Variants in DYM observed in about 807,000 individuals in gnomAD.
The protein encoded by DYM is dyggve-Melchior-Clausen syndrome protein.
In DYM, 78 loss-of-function variants were observed where a neutral mutation model predicts 93.1. That is an observed-to-expected ratio of 0.84 (90% CI 0.70 to 1.01). DYM has a LOEUF of 1.01. Ranked by LOEUF, DYM falls within the 50% of genes least tolerant of loss-of-function variation. The pLI is 0.00. For missense variants in DYM, 789 were observed against 845.0 expected (o/e 0.93, Z 0.82); for synonymous variants, 321 against 319.7 (o/e 1.00, Z -0.04).
intron 16 of DYM, among the ~76,000 whole-genome samples, chr18:49,108,674 T>C (rs2081108665): frequency 6.6e-6 from 1 of 152,268 alleles, no homozygotes; most frequent in Admixed American, 6.5e-5. Context: ...TCTTAGAGAA[T>C]GGTTCACGTG....
intron 6 of DYM, among the ~76,000 whole-genome samples, chr18:49,352,255 G>A (rs2065176032): frequency 4.6e-5 from 7 of 152,154 alleles, no homozygotes; most frequent in Admixed American, 4.6e-4. Flanking sequence ...GCTTCTGCCT[G>A]GGGTGCTGAA....
chr18:49,406,104 T>C (rs766450218), intron 2 of DYM, among the ~76,000 whole-genome samples: 13 of 152,338 alleles, frequency 8.5e-5, no homozygotes. Context: ...TTATCTGCTC[T>C]AGGAATCTTC....
chr18:49,127,581 T>C (rs956653227), intron 15 of DYM, among the ~76,000 whole-genome samples: 1 of 152,208 alleles, frequency 6.6e-6, no homozygotes, highest in African/African-American at 2.4e-5. Flanking sequence ...ACAAAATTAA[T>C]GGGATTTTGC....
intron 9 of DYM, among the ~76,000 whole-genome samples, chr18:49,282,956 T>C (rs2145765390): frequency 6.6e-6 from 1 of 152,320 alleles, no homozygotes. Flanking sequence ...AGCATCCACT[T>C]ATATCAAAAT....
chr18:49,160,700 T>G (rs572956830), intron 15 of DYM, among the ~76,000 whole-genome samples: 1 of 152,158 alleles, frequency 6.6e-6, no homozygotes, highest in African/African-American at 2.4e-5. Context: ...GAATTTTATG[T>G]GGTTACTGGC....
chr18:49,399,228 T>C (rs1049201315), intron 2 of DYM, among the ~76,000 whole-genome samples: 2 of 152,056 alleles, frequency 1.3e-5, no homozygotes, highest in Non-Finnish European at 1.5e-5. Context: ...CAACGTACCA[T>C]AGAAGGAATC....
intron 14 of DYM, among the ~76,000 whole-genome samples, chr18:49,201,823 G>T (rs1186411640): frequency 2.0e-5 from 3 of 152,194 alleles, no homozygotes; most frequent in African/African-American, 7.2e-5. Flanking sequence ...TGTCAGAAGA[G>T]ATCGCTTTTT....
rs372826171 is a variant in DYM, at chr18:49,443,140, G to A, written c.-53-12693C>T. On this transcript the variant is annotated intron_variant, in intron 1 of 17. Coordinates refer to ENST00000675505, the MANE Select transcript of DYM (RefSeq NM_001353214.3). ...CGGGATTATAGGCATAAGCCACTGC[G>A]CCCAACCTGATTTTTACATTTTTAA... Among the ~76,000 whole-genome samples, 214 of 151,982 alleles carry A rather than the reference G, an allele frequency of 1.4e-3. 2 individuals are homozygous for A. Among genetic ancestry groups the A allele is most frequent in the African/African-American group, 4.9e-3 (202 of 41,444 alleles).
At chr18:49,122,896 A>G (rs1448181474) in intron 15 of DYM, among the ~76,000 whole-genome samples, 2 of 152,180 alleles carry the variant, frequency 1.3e-5, no homozygotes, top group East Asian at 1.9e-4. Flanking sequence ...ATCTTTTCTA[A>G]TTATTATCTT....
At chr18:49,399,968 G>A (rs1323605661) in intron 2 of DYM, among the ~76,000 whole-genome samples, 1 of 93,514 alleles carries the variant, frequency 1.1e-5, no homozygotes, top group Non-Finnish European at 2.0e-5. Context: ...TTGAGACGGA[G>A]TCTTCCTTTA....
chr18:49,254,631 C>T (rs2094356184), intron 13 of DYM, among the ~76,000 whole-genome samples: 1 of 152,046 alleles, frequency 6.6e-6, no homozygotes, highest in Admixed American at 6.6e-5. Flanking sequence ...ATGCATTTTT[C>T]CCAACTAAAA....
rs530343806 is a variant in DYM, at chr18:49,192,038, G to A, written c.1625+17513C>T. ...TGCAGCCTCAAACACCTGGGCTCAA[G>A]CGATCCTCCTGCCTCAGCCTCCTGG... On this transcript the variant is annotated intron_variant, in intron 14 of 17. Transcript: ENST00000675505. Among the ~76,000 whole-genome samples the A allele has an allele frequency of 1.1e-4, 16 of 151,270 alleles. No homozygotes were observed. In the South Asian group the frequency reaches 3.3e-3, roughly 32 times the overall value.
At chr18:49,047,835 AG>A (rs1361276462) in intron 17 of DYM, among the ~76,000 whole-genome samples, 2 of 152,138 alleles carry the variant, frequency 1.3e-5, no homozygotes, top group African/African-American at 2.4e-5. Flanking sequence ...TTGTAGCAAG[AG>A]GGGGGCAACA....
intron 10 of DYM, among the ~76,000 whole-genome samples, chr18:49,278,083 C>T (rs2094889039): frequency 6.6e-6 from 1 of 151,424 alleles, no homozygotes; most frequent in Admixed American, 6.6e-5. Flanking sequence ...AACAAAAGAG[C>T]TAAAAAAAAA....
chr18:49,079,672 T>G (rs1341772857), intron 17 of DYM, among the ~76,000 whole-genome samples: 1 of 151,510 alleles, frequency 6.6e-6, no homozygotes. Flanking sequence ...CTTAATCCAT[T>G]TAACCCTGAG....
intron 16 of DYM, among the ~76,000 whole-genome samples, chr18:49,103,317 T>A (rs1294834539): frequency 6.6e-6 from 1 of 152,176 alleles, no homozygotes; most frequent in African/African-American, 2.4e-5. Flanking sequence ...TATTAGCCCC[T>A]TGTCAGATGG....
chr18:49,086,815 C>A (rs1941873873), intron 17 of DYM, among the ~76,000 whole-genome samples: 1 of 151,948 alleles, frequency 6.6e-6, no homozygotes, highest in East Asian at 1.9e-4. Flanking sequence ...TAGGAAAACC[C>A]CATCACTACT....
At chr18:49,191,664 T>C (rs181438011) in intron 14 of DYM, among the ~76,000 whole-genome samples, 21 of 152,312 alleles carry the variant, frequency 1.4e-4, no homozygotes, top group Non-Finnish European at 1.6e-4. Context: ...TTTTAGCCAG[T>C]TTTATAAATT....
chr18:49,270,991 C>CT (rs1368738923), intron 11 of DYM, among the ~76,000 whole-genome samples: 26 of 152,144 alleles, frequency 1.7e-4, no homozygotes, highest in African/African-American at 5.3e-4. Context: ...GGACACAGTC[C>CT]CAGAGAAAGA....
Sources: gnomAD v4.1 joint callset for allele counts (sites outside exome capture counted in the v4.1 genomes callset) on GRCh38, gnomAD v4.1.1 for gene constraint, MANE v1.5 for transcripts, NCBI Gene and HGNC (gene_info 2026-07-23, HGNC 2026-07-21) for gene names.